The following LTBP1 variants were observed in gnomAD, a reference collection of about 807,000 sequenced individuals.
LTBP1 encodes latent-transforming growth factor beta-binding protein 1.
Under a neutral mutation model 207.6 loss-of-function variants are expected in LTBP1, and 129 were observed. The ratio of observed to expected loss-of-function variants is 0.62; its 90% CI spans 0.54 to 0.72. LTBP1 has a LOEUF of 0.72. Ranked by LOEUF, LTBP1 falls within the 30% of genes least tolerant of loss-of-function variation. The pLI is 0.00. For missense variants in LTBP1, 2,281 were observed against 2,217.2 expected, an observed-to-expected ratio of 1.03 and a Z score of -0.58; for synonymous variants, 963 against 833.7, an observed-to-expected ratio of 1.16 and a Z score of -2.67.
chr2:33,128,912 G>A (rs1358461064), intron 4 of LTBP1, among the ~76,000 whole-genome samples: 1 of 152,168 alleles, frequency 6.6e-6, no homozygotes, highest in East Asian at 1.9e-4. Context: ...CCTTCTGGAT[G>A]GGGCAATGCT....
At chr2:33,077,496 C>G (rs906541905) in intron 3 of LTBP1, among the ~76,000 whole-genome samples, 2 of 152,294 alleles carry the variant, frequency 1.3e-5, no homozygotes, top group South Asian at 4.2e-4. Flanking sequence ...CAAGCATCTT[C>G]ACATGGCCAG....
chr2:33,020,040 A>G (rs193161348), intron 2 of LTBP1, among the ~76,000 whole-genome samples: 1 of 152,236 alleles, frequency 6.6e-6, no homozygotes, highest in East Asian at 1.9e-4. Context: ...CTGTTTGGTC[A>G]GGAGTGTGGT....
intron 4 of LTBP1, among the ~76,000 whole-genome samples, chr2:33,113,141 A>C (rs145028046): frequency 6.6e-6 from 1 of 152,344 alleles, no homozygotes; most frequent in African/African-American, 2.4e-5. Flanking sequence ...GTTGAAAACT[A>C]GAGGTTGGCA....
chr2:33,141,162 C>G (rs1229038036), intron 5 of LTBP1, among the ~76,000 whole-genome samples: 2 of 152,176 alleles, frequency 1.3e-5, no homozygotes, highest in Non-Finnish European at 2.9e-5. Context: ...GGATGAACCT[C>G]AAAGATGCTA....
intron 5 of LTBP1, among the ~76,000 whole-genome samples, chr2:33,143,574 G>A (rs931313082): frequency 6.6e-6 from 1 of 152,210 alleles, no homozygotes; most frequent in African/African-American, 2.4e-5. Flanking sequence ...CACCCTGGTA[G>A]CAATTTACAT....
At chr2:33,204,981 A>C (rs6705772) in intron 7 of LTBP1, among the ~76,000 whole-genome samples, 66,369 of 152,040 alleles carry the variant, frequency 0.44, 15,059 homozygotes, top group Non-Finnish European at 0.5. Flanking sequence ...TTTTCAAATA[A>C]TTGGATTGGC....
intron 2 of LTBP1, among the ~76,000 whole-genome samples, chr2:33,001,434 G>T (rs935298364): frequency 7.4e-6 from 1 of 135,046 alleles, no homozygotes; most frequent in Non-Finnish European, 1.6e-5. Context: ...GACTGATGCT[G>T]CTGGTCTGGT....
intron 26 of LTBP1, among the ~76,000 whole-genome samples, chr2:33,349,548 A>ATGTT (rs1313061426): frequency 1.3e-5 from 2 of 152,194 alleles, no homozygotes; most frequent in Non-Finnish European, 2.9e-5. Context: ...TATCCTGCAT[A>ATGTT]AACCCCATCT....
intron 5 of LTBP1, among the ~76,000 whole-genome samples, chr2:33,147,747 G>C (rs28640023): frequency 6.6e-6 from 1 of 152,190 alleles, no homozygotes; most frequent in South Asian, 2.1e-4. Flanking sequence ...ATGAAATGCC[G>C]GGAGGGCAGG....
At chr2:33,205,077 C>G (rs1289333045) in intron 7 of LTBP1, among the ~76,000 whole-genome samples, 1 of 152,166 alleles carries the variant, frequency 6.6e-6, no homozygotes, top group African/African-American at 2.4e-5. Flanking sequence ...TCTTAGACAC[C>G]ACTGGTGCTG....
At chr2:33,313,888 G>C (rs1044374504) in intron 23 of LTBP1, among the ~76,000 whole-genome samples, 13 of 152,142 alleles carry the variant, frequency 8.5e-5, no homozygotes, top group Non-Finnish European at 1.2e-4. Flanking sequence ...CAACAATTAG[G>C]CAGTTGCATG....
At chr2:32,983,836 A>G (rs978377998) in intron 2 of LTBP1, among the ~76,000 whole-genome samples, 2 of 152,188 alleles carry the variant, frequency 1.3e-5, no homozygotes, top group African/African-American at 4.8e-5. Flanking sequence ...CTCTTTATAG[A>G]TGGCCCAGTC....
intron 24 of LTBP1, among the ~76,000 whole-genome samples, chr2:33,315,705 G>A (rs1290601116): frequency 2.0e-5 from 3 of 152,178 alleles, no homozygotes; most frequent in Non-Finnish European, 4.4e-5. Flanking sequence ...GGAGGCCCAG[G>A]CAGGTGGATC....
rs549822209 is a variant in LTBP1, at chr2:33,119,947, T to G, written c.1033+9196T>G. Among the ~76,000 whole-genome samples, 20 of 152,344 alleles carry G rather than the reference T, an allele frequency of 1.3e-4. 1 individual carries two copies. In the South Asian group the frequency reaches 4.1e-3, roughly 32 times the overall value. On this transcript the variant is annotated intron_variant, in intron 4 of 33. Coordinates refer to ENST00000404816, the MANE Select transcript of LTBP1 (RefSeq NM_206943.4). ...GATTTTAGTTCTGCATTGTTTGTTT[T>G]TGAATATCTCCTGAATATTAACCCT...
In LTBP1 at chr2:33,252,677, C is replaced by T. The variant is rs1323002622; in HGVS notation, c.2000C>T (p.Pro667Leu). 3.7e-6 allele frequency: 6 copies of T among 1,608,660 alleles called. No individual in the cohort carries two copies. The highest frequency in any genetic ancestry group is 4.3e-6 in the Non-Finnish European group (5 of 1,176,194). ...GPDPTFSSCVPDPPVISEEKG... is the reference protein window; with the variant it reads ...GPDPTFSSCVLDPPVISEEKG... Reference sequence around the variant, plus strand: ...GTCGGGCTTTATCTCTCTGCTTCAGCTGATCCCCCTGTGATCTCGGAAGAG... The same window carrying T: ...GTCGGGCTTTATCTCTCTGCTTCAGTTGATCCCCCTGTGATCTCGGAAGAG... The change falls in exon 11 of 34, where the codon CCT becomes CTT. Residue 667 changes from proline to leucine, a missense_variant and splice_region_variant. Physicochemically the swap from Pro to Leu is moderately conservative, Grantham distance 98 (BLOSUM62 -3). Coordinates refer to ENST00000404816, the MANE Select transcript of LTBP1 (RefSeq NM_206943.4).
intron 21 of LTBP1, 45 bp from the exon 22 acceptor site, chr2:33,301,477 T>C: frequency 6.6e-7 from 1 of 1,525,378 alleles, no homozygotes; most frequent in Non-Finnish European, 8.8e-7. Context: ...GAAAATGTTT[T>C]TGAAGCACCA....
chr2:32,951,743 C>T (rs1042063653), intron 2 of LTBP1, among the ~76,000 whole-genome samples: 2 of 152,086 alleles, frequency 1.3e-5, no homozygotes, highest in African/African-American at 4.8e-5. Flanking sequence ...CTTGGTGAAA[C>T]CAGAAAGATT....
intron 3 of LTBP1, among the ~76,000 whole-genome samples, chr2:33,069,831 A>G (rs1297250163): frequency 3.3e-5 from 5 of 152,234 alleles, no homozygotes; most frequent in African/African-American, 4.8e-5. Flanking sequence ...GGGTGGGCAC[A>G]GTGCTTATGA....
intron 7 of LTBP1, among the ~76,000 whole-genome samples, chr2:33,204,034 A>G (rs2089615307): frequency 1.3e-5 from 2 of 152,228 alleles, no homozygotes; most frequent in Admixed American, 6.5e-5. Context: ...GAGATTTGCT[A>G]AAATGAGGAA....
Sources: gnomAD v4.1 joint callset for allele counts (sites outside exome capture counted in the v4.1 genomes callset) on GRCh38, gnomAD v4.1.1 for gene constraint, MANE v1.5 for transcripts, NCBI Gene and HGNC (gene_info 2026-07-23, HGNC 2026-07-21) for gene names.